The following NOP56 variants were observed in gnomAD, a reference collection of about 807,000 sequenced individuals.
NOP56 encodes the protein nucleolar protein 56.
NOP56 carries 31 observed loss-of-function variants against 58.3 expected under a neutral mutation model. The ratio of observed to expected loss-of-function variants is 0.53; its 90% CI spans 0.40 to 0.72. The LOEUF (loss-of-function observed/expected upper bound fraction) is 0.72, where lower values mean the gene tolerates loss of function less well. Among genes scored for constraint, NOP56 ranks in the 30% least tolerant of loss-of-function variants. The pLI is 0.00. For missense variants in NOP56, 669 were observed against 739.9 expected, an observed-to-expected ratio of 0.90 and a Z score of 1.11; for synonymous variants, 313 against 282.8, an observed-to-expected ratio of 1.11 and a Z score of -1.07.
In NOP56 at chr20:2,654,740, T is replaced by C. The variant is rs1292516997; in HGVS notation, c.371-9T>C. On this transcript the variant is annotated splice_polypyrimidine_tract_variant and intron_variant, in intron 4 of 11. Coordinates refer to ENST00000329276, the MANE Select transcript of NOP56 (RefSeq NM_006392.4). ...CCCCTTGTTGCTCACCGTCTTGCCC[T>C]CTTCTTAGGAGTTCGTCTGCACTTC... 2 of 1,610,166 alleles carry C rather than the reference T, an allele frequency of 1.2e-6. No individual in the cohort carries two copies. Among genetic ancestry groups the C allele is most frequent in the African/African-American group, 2.7e-5 (2 of 75,028 alleles).
chr20:2,653,952 C>G, intron 3 of NOP56: 1 of 336,942 alleles, frequency 3.0e-6, no homozygotes, highest in Non-Finnish European at 5.9e-6. Context: ...GGTGCCCGGC[C>G]GACAAAGGGG....
At chr20:2,655,134 C>G (rs370535554) in intron 5 of NOP56, 187 bp downstream of exon 5, 4 of 1,045,202 alleles carry the variant, frequency 3.8e-6, no homozygotes, top group African/African-American at 1.6e-5. Context: ...GTAGAGTAAA[C>G]CTACCCCATA....
At chr20:2,653,907 C>T (rs2086783181) in intron 3 of NOP56, 1 of 316,022 alleles carries the variant, frequency 3.2e-6, no homozygotes, top group Admixed American at 3.9e-5. Context: ...CCCGCCTCGA[C>T]CTCCCAAGGT....
At position 2,658,180 on chromosome 20, in the gene NOP56, G is replaced by T; in HGVS notation, c.1671G>T (p.Lys557Asn). The T allele has an allele frequency of 1.2e-6, 2 of 1,610,888 alleles. No individual in the cohort carries two copies. Among genetic ancestry groups the T allele is most frequent in the Non-Finnish European group, 8.5e-7 (1 of 1,178,412 alleles). ...AGGCAGGCCACAGAAGTGGCTCCAA[G>T]AAAAAGAGGAAATTCTCCAAAGAGG... ...PEEAGHRSGS[K>N]KKRKFSKEEP... The change falls in exon 12 of 12, where the codon AAG (lysine) becomes AAT (asparagine). Residue 557 changes from lysine (K) to asparagine (N), a missense_variant. Physicochemically the swap from Lys to Asn is moderately conservative, Grantham distance 94. Coordinates refer to ENST00000329276, the MANE Select transcript of NOP56 (RefSeq NM_006392.4).
Position 2,652,842 on chromosome 20 carries a change from G to C in NOP56, c.4G>C (p.Val2Leu). M[V>L]LLHVLFEHAV... ...GCTCGCGCCCCGGCTCCCGTTCCAGGTGCTGTTGCACGTGCTGTTTGAGCA... is the reference window on the plus strand; with the variant it reads ...GCTCGCGCCCCGGCTCCCGTTCCAGCTGCTGTTGCACGTGCTGTTTGAGCA... Residue 2 changes from valine to leucine, a missense_variant and splice_region_variant, in exon 2 of 12, where the codon GTG becomes CTG. Physicochemically the swap from Val to Leu is conservative, Grantham distance 32 (BLOSUM62 1). Transcript: ENST00000329276. 6.2e-7 allele frequency: 1 copy of C among 1,610,552 alleles called. No homozygotes were observed. The highest frequency in any genetic ancestry group is 8.5e-7 in the Non-Finnish European group (1 of 1,178,956).
intron 1 of NOP56, 67 bp downstream of exon 1, chr20:2,652,730 A>ACAGGGCCTGGGCCTGGGCCTGGGC (rs765192858): frequency 7.6e-7 from 1 of 1,324,282 alleles, no homozygotes. Context: ...CGGGCCGCAG[A>ACAGGGCCTGGGCCTGGGCCTGGGC]CAGGGCCTGG....
Position 2,653,326 on chromosome 20 carries a change from T to C in NOP56, c.141T>C (p.Arg47=), listed in dbSNP as rs769920013. 1.2e-6 allele frequency: 2 copies of C among 1,614,198 alleles called. No homozygotes were observed. The highest frequency in any genetic ancestry group is 1.7e-5 in the Admixed American group (1 of 60,028). The part of the protein sequence containing the change: ...LNLGKFHSIV[R]LVAFCPFASS... ...TGGGCAAATTCCACAGCATCGTTCG[T>C]CTGGTGGCCTTTTGTCCCTTTGCCT... The change falls in exon 3 of 12, where the codon CGT becomes CGC. Residue 47 remains arginine (R), a synonymous_variant. Transcript: ENST00000329276.
chr20:2,655,983 A>C lies in NOP56; in HGVS notation c.959A>C (p.Lys320Thr). 6.2e-7 allele frequency: 1 copy of C among 1,614,164 alleles called. No homozygotes were observed. Among genetic ancestry groups the C allele is most frequent in the Non-Finnish European group, 8.5e-7 (1 of 1,180,024 alleles). Residue 320 changes from lysine to threonine, a missense_variant, in exon 8 of 12, where the codon AAG (lysine) becomes ACG (threonine). Lys to Thr is a moderately conservative substitution (Grantham distance 78). This residue lies in a region of NOP56 where 339 missense variants were observed against 430.5 expected (regional missense o/e 0.79). Transcript: ENST00000329276. Reference sequence around the variant, plus strand: ...GCTGGCAGCCTCACCAACCTGGCCAAGTATCCAGCATCCACAGTGCAGATC... The same window carrying C: ...GCTGGCAGCCTCACCAACCTGGCCACGTATCCAGCATCCACAGTGCAGATC... ...AHAGSLTNLAKYPASTVQILG... is the reference protein window; with the variant it reads ...AHAGSLTNLATYPASTVQILG...
intron 7 of NOP56, 26 bp downstream of exon 7, chr20:2,655,772 G>C (rs1231232280): frequency 6.2e-7 from 1 of 1,614,120 alleles, no homozygotes; most frequent in East Asian, 2.2e-5. Context: ...CTCAAAAATG[G>C]GAGAATAAGG....
rs148624945 is a variant in NOP56, at chr20:2,656,455, C to T, written c.1065C>T (p.Thr355=). 624 of 1,614,042 alleles carry T rather than the reference C, an allele frequency of 3.9e-4. No homozygotes were observed. Among genetic ancestry groups the T allele is most frequent in the Non-Finnish European group, 5.0e-4 (594 of 1,180,048 alleles). ...TPKYGLIFHS[T]FIGRAAAKNK... is the part of the protein sequence containing the mutation. ...AATATGGACTCATTTTCCACTCCACCTTCATTGGCCGAGCAGCTGCCAAGA... is the reference window on the plus strand; with the variant it reads ...AATATGGACTCATTTTCCACTCCACTTTCATTGGCCGAGCAGCTGCCAAGA... The change falls in exon 9 of 12, where the codon ACC becomes ACT. Residue 355 remains threonine (T), a synonymous_variant. Coordinates refer to ENST00000329276, the MANE Select transcript of NOP56 (RefSeq NM_006392.4).
chr20:2,654,762 C>G lies in NOP56; in HGVS notation c.384C>G (p.His128Gln). 1.2e-6 allele frequency: 2 copies of G among 1,613,948 alleles called. No individual in the cohort carries two copies. The highest frequency in any genetic ancestry group is 1.7e-6 in the Non-Finnish European group (2 of 1,180,030). The change falls in exon 5 of 12, where the codon CAC (histidine) becomes CAG (glutamine). Residue 128 changes from histidine to glutamine, a missense_variant. Coordinates refer to ENST00000329276, the MANE Select transcript of NOP56 (RefSeq NM_006392.4). The stretch of plus-strand genomic sequence containing the variant: ...CCCTCTTCTTAGGAGTTCGTCTGCA[C>G]TTCCACAATCTGGTGAAGGGTCTGA... ...IAEILRGVRL[H>Q]FHNLVKGLTD...
chr20:2,655,518 T>A lies in NOP56; in HGVS notation c.757+6T>A. On this transcript the variant is annotated splice_donor_region_variant and intron_variant, in intron 6 of 11. Transcript: ENST00000329276. ...TGCCTCACGGTCCTCCATGGGTCAG[T>A]GCAGAGCCTGGCAACCTGCATAAGG... The A allele has an allele frequency of 6.2e-7, 1 of 1,614,126 alleles. No individual in the cohort carries two copies. Among genetic ancestry groups the A allele is most frequent in the Non-Finnish European group, 8.5e-7 (1 of 1,179,988 alleles).
rs1346709204 is a variant in NOP56, at chr20:2,655,959, C to G, written c.935C>G (p.Ala312Gly). The G allele has an allele frequency of 3.1e-6, 5 of 1,614,236 alleles. No individual in the cohort carries two copies. Among genetic ancestry groups the G allele is most frequent in the Admixed American group, 1.7e-5 (1 of 60,028 alleles). The stretch of plus-strand genomic sequence containing the variant: ...GTAGGTGCACGTCTCATCGCACATG[C>G]TGGCAGCCTCACCAACCTGGCCAAG... Reference protein sequence around the residue: ...EAVGARLIAHAGSLTNLAKYP... With the variant: ...EAVGARLIAHGGSLTNLAKYP... Residue 312 changes from alanine (A) to glycine (G), a missense_variant, in exon 8 of 12, where the codon GCT becomes GGT. Coordinates refer to ENST00000329276, the MANE Select transcript of NOP56 (RefSeq NM_006392.4).
At position 2,656,014 on chromosome 20, in the gene NOP56, G is replaced by A. The variant is rs1246959877; in HGVS notation, c.990G>A (p.Gly330=). ...CAGCATCCACAGTGCAGATCCTTGG[G>A]GCTGAAAAGGCCCTGTTCAGGTACC... ...KYPASTVQIL[G]AEKALFRALK... The change falls in exon 8 of 12, where the codon GGG becomes GGA. Residue 330 remains glycine (G), a synonymous_variant. Coordinates refer to ENST00000329276, the MANE Select transcript of NOP56 (RefSeq NM_006392.4). The A allele has an allele frequency of 1.2e-6, 2 of 1,614,150 alleles. No individual in the cohort carries two copies.
rs2073194 is a variant in NOP56 at position 2,653,290 on chromosome 20, T to G, written c.105T>G (p.Ser35=). The change falls in exon 3 of 12, where the codon TCT becomes TCG. Residue 35 remains serine, a synonymous_variant. Transcript: ENST00000329276. The part of the protein sequence containing the change: ...ISLLQPQVEE[S]VLNLGKFHSI... ...CTTTCTCCCCCCAGGTGGAGGAGTC[T>G]GTGCTCAACCTGGGCAAATTCCACA... 5.6e-6 allele frequency: 9 copies of G among 1,613,784 alleles called. No homozygotes were observed. The highest frequency in any genetic ancestry group is 7.6e-6 in the Non-Finnish European group (9 of 1,179,842).
intron 2 of NOP56, 60 bp from the exon 3 acceptor site, chr20:2,653,219 G>C: frequency 7.3e-7 from 1 of 1,364,276 alleles, no homozygotes; most frequent in Non-Finnish European, 1.0e-6. Flanking sequence ...ACCGCTGCTT[G>C]ACTGCGCCGC....
chr20:2,656,709 G>A, intron 9 of NOP56, 65 bp from the exon 10 acceptor site: 1 of 1,613,628 alleles, frequency 6.2e-7, no homozygotes, highest in Non-Finnish European at 8.5e-7. Flanking sequence ...GAGGGTAGAG[G>A]GAACACAGGG....
Position 2,654,730 on chromosome 20 carries a change from C to A in NOP56, c.371-19C>A. 1 of 1,612,920 alleles carries A rather than the reference C, an allele frequency of 6.2e-7. No individual in the cohort carries two copies. Among genetic ancestry groups the A allele is most frequent in the Non-Finnish European group, 8.5e-7 (1 of 1,179,802 alleles). On this transcript the variant is annotated intron_variant, in intron 4 of 11. Coordinates refer to ENST00000329276, the MANE Select transcript of NOP56 (RefSeq NM_006392.4). The stretch of plus-strand genomic sequence containing the variant: ...TAGCTCAGAGCCCCTTGTTGCTCAC[C>A]GTCTTGCCCTCTTCTTAGGAGTTCG...
chr20:2,656,174 T>C (rs760888973), intron 8 of NOP56, 140 bp downstream of exon 8: 6 of 1,607,860 alleles, frequency 3.7e-6, no homozygotes, highest in Non-Finnish European at 5.1e-6. Flanking sequence ...TCCTGGTGTC[T>C]GAGTGATTCC....
Sources: gnomAD v4.1 joint callset for allele counts on GRCh38, gnomAD v4.1.1 for gene constraint, gnomAD v4.1.1 regional missense constraint, MANE v1.5 for transcripts, NCBI Gene and HGNC (gene_info 2026-07-23, HGNC 2026-07-21) for gene names.